The following CECR2 variants were observed in gnomAD, a reference collection of about 807,000 sequenced individuals.
CECR2 encodes the protein chromatin remodeling regulator CECR2.
In CECR2, 30 loss-of-function variants were observed where a neutral mutation model predicts 154.5. The observed-to-expected ratio is 0.19, with a 90% CI of 0.15 to 0.26. CECR2 has a LOEUF of 0.26. CECR2 is among the 10% of genes least tolerant of loss of function. The probability of loss-of-function intolerance (pLI) is 1.00; values close to 1 mark genes in which losing one functional copy is unlikely to be tolerated. For missense variants in CECR2, 1,743 were observed against 1,829.3 expected, an observed-to-expected ratio of 0.95 and a Z score of 0.86; for synonymous variants, 725 against 683.7, an observed-to-expected ratio of 1.06 and a Z score of -0.94.
intron 2 of CECR2, among the ~76,000 whole-genome samples, chr22:17,488,289 G>A (rs971043672): frequency 6.6e-6 from 1 of 152,146 alleles, no homozygotes; most frequent in Non-Finnish European, 1.5e-5. Context: ...AGAAATATCT[G>A]TCATCTTTTT....
rs1354364989 is a variant in CECR2 at position 17,497,541 on chromosome 22, C to A, written c.360C>A (p.Leu120=). ...LRTRVEILHR[L]CDYRLDADDV... ...CACGGGTGGAGATCCTGCACCGACT[C>A]TGTGATTACCGGCTGGATGCAGACG... Residue 120 remains leucine, a synonymous_variant, in exon 3 of 19, where the codon CTC becomes CTA. Coordinates refer to ENST00000262608, the MANE Select transcript of CECR2 (RefSeq NM_001290047.2). 1 of 1,613,962 alleles carries A rather than the reference C, an allele frequency of 6.2e-7. No homozygotes were observed. The highest frequency in any genetic ancestry group is 1.1e-5 in the South Asian group (1 of 91,078).
intron 2 of CECR2, among the ~76,000 whole-genome samples, 177 bp from the exon 3 acceptor site, chr22:17,497,226 G>A (rs2055645652): frequency 1.3e-5 from 2 of 152,108 alleles, no homozygotes; most frequent in Non-Finnish European, 2.9e-5. Context: ...GCCCAGGAGA[G>A]CTGCAGTGAG....
At chr22:17,475,011 A>G (rs2055185573) in intron 1 of CECR2, among the ~76,000 whole-genome samples, 1 of 152,162 alleles carries the variant, frequency 6.6e-6, no homozygotes, top group South Asian at 2.1e-4. Flanking sequence ...AGCACCTTTA[A>G]TCACGATCCG....
At chr22:17,401,506 C>A (rs2146534599) in intron 1 of CECR2, among the ~76,000 whole-genome samples, 1 of 151,976 alleles carries the variant, frequency 6.6e-6, no homozygotes, top group Non-Finnish European at 1.5e-5. Flanking sequence ...CAGGGTGACC[C>A]CCCCAATCTG....
intron 1 of CECR2, among the ~76,000 whole-genome samples, chr22:17,476,917 A>G (rs1425636214): frequency 1.3e-5 from 2 of 152,172 alleles, no homozygotes; most frequent in East Asian, 1.9e-4. Context: ...TTTCCAAACA[A>G]TTGCTTGTTG....
At chr22:17,368,208 C>T (rs1227701600), upstream of CECR2, among the ~76,000 whole-genome samples, 1 of 152,178 alleles carries the variant, frequency 6.6e-6, no homozygotes, top group African/African-American at 2.4e-5. Context: ...ATTATCCAGA[C>T]AGCCCATTCC....
At position 17,537,252 on chromosome 22, in the gene CECR2, A is replaced by G. The variant is rs2056451752; in HGVS notation, c.1238+20A>G. On this transcript the variant is annotated intron_variant, in intron 10 of 18. Coordinates refer to ENST00000262608, the MANE Select transcript of CECR2 (RefSeq NM_001290047.2). ...AGACCTGTGAGTATTTAGTAACAAC[A>G]ACAACAGCAGTAGCAACTGGTAGCA... The G allele has an allele frequency of 6.2e-7, 1 of 1,613,000 alleles. No individual in the cohort carries two copies. Among genetic ancestry groups the G allele is most frequent in the African/African-American group, 1.3e-5 (1 of 74,840 alleles).
chr22:17,363,545 G>A (rs2062987499), intron 1 of CECR2, among the ~76,000 whole-genome samples: 1 of 151,962 alleles, frequency 6.6e-6, no homozygotes, highest in Non-Finnish European at 1.5e-5. Context: ...GTTTCACTAT[G>A]TTGGCCAGGC....
At chr22:17,497,355 A>G (rs1315887534) in intron 2 of CECR2, 48 bp from the exon 3 acceptor site, 2 of 1,531,758 alleles carry the variant, frequency 1.3e-6, no homozygotes, top group South Asian at 1.2e-5. Context: ...CTCCCAACCA[A>G]CCTATATTTT....
At chr22:17,405,808 T>C (rs1487922773) in intron 1 of CECR2, among the ~76,000 whole-genome samples, 1 of 152,162 alleles carries the variant, frequency 6.6e-6, no homozygotes, top group Non-Finnish European at 1.5e-5. Flanking sequence ...TGTCTGTAAA[T>C]AAAAATAGTT....
chr22:17,497,717 C>A, intron 3 of CECR2, 131 bp downstream of exon 3: 2 of 792,870 alleles, frequency 2.5e-6, no homozygotes, highest in Non-Finnish European at 4.1e-6. Flanking sequence ...CTATTCATTG[C>A]CAATAACACT....
chr22:17,499,730 C>T (rs1361194125), intron 4 of CECR2, among the ~76,000 whole-genome samples, 181 bp downstream of exon 4: 1 of 152,044 alleles, frequency 6.6e-6, no homozygotes, highest in East Asian at 1.9e-4. Flanking sequence ...TCTCTGCTAC[C>T]AGAGGGGTTA....
At chr22:17,418,462 G>A (rs893952917) in intron 1 of CECR2, among the ~76,000 whole-genome samples, 2 of 151,986 alleles carry the variant, frequency 1.3e-5, no homozygotes, top group East Asian at 1.9e-4. Context: ...GGTTTCTATT[G>A]CACCTCTTGT....
At chr22:17,434,928 G>C (rs905879856) in intron 1 of CECR2, among the ~76,000 whole-genome samples, 1 of 152,126 alleles carries the variant, frequency 6.6e-6, no homozygotes, top group Non-Finnish European at 1.5e-5. Flanking sequence ...GAACACACAT[G>C]GGGTATTGTT....
At chr22:17,520,903 G>A (rs1300478630) in intron 8 of CECR2, among the ~76,000 whole-genome samples, 2 of 152,052 alleles carry the variant, frequency 1.3e-5, no homozygotes, top group Non-Finnish European at 2.9e-5. Context: ...ATAAACATAC[G>A]TGTGCATGTG....
At chr22:17,421,549 A>G (rs376597152) in intron 1 of CECR2, among the ~76,000 whole-genome samples, 47 of 131,788 alleles carry the variant, frequency 3.6e-4, no homozygotes, top group African/African-American at 1.3e-3. Context: ...CGGGAGGCGG[A>G]GCTTGCAGTG....
intron 10 of CECR2, 82 bp from the exon 11 acceptor site, chr22:17,538,438 G>C (rs1406377207): frequency 1.6e-6 from 2 of 1,213,914 alleles, no homozygotes; most frequent in African/African-American, 3.0e-5. Flanking sequence ...AGTTCAGTCA[G>C]GTGTGTCTGC....
At position 17,538,682 on chromosome 22, in the gene CECR2, T is replaced by C; in HGVS notation, c.1319T>C (p.Leu440Ser). 1 of 1,614,014 alleles carries C rather than the reference T, an allele frequency of 6.2e-7. No individual in the cohort carries two copies. The highest frequency in any genetic ancestry group is 8.5e-7 in the Non-Finnish European group (1 of 1,179,882). ...VKAHKDSWPFLEPVDESYAPN... is the reference protein window; with the variant it reads ...VKAHKDSWPFSEPVDESYAPN... ...GCTCACAAGGATTCCTGGCCCTTCT[T>C]GGAACCTGTGGATGAATCTTATGCC... Residue 440 changes from leucine to serine, a missense_variant, in exon 12 of 19, where the codon TTG (leucine) becomes TCG (serine). Transcript: ENST00000262608.
rs192612635 is a variant in CECR2, at chr22:17,463,300, T to C, written c.127-14288T>C. Among the ~76,000 whole-genome samples the C allele has an allele frequency of 2.5e-3, 382 of 152,266 alleles. 1 individual carries two copies. The highest frequency in any genetic ancestry group is 9.0e-3 in the African/African-American group (375 of 41,550). ...GAGGTCTTAGAGGTCATATAAACTT[T>C]GGATTTAGTTCTAAAGGAGACATTG... On this transcript the variant is annotated intron_variant, in intron 1 of 18. Coordinates refer to ENST00000262608, the MANE Select transcript of CECR2 (RefSeq NM_001290047.2).
Sources: gnomAD v4.1 joint callset for allele counts (sites outside exome capture counted in the v4.1 genomes callset) on GRCh38, gnomAD v4.1.1 for gene constraint, MANE v1.5 for transcripts, NCBI Gene and HGNC (gene_info 2026-07-23, HGNC 2026-07-21) for gene names.